NAV3: variants seen among roughly 807,000 people sequenced by gnomAD.
NAV3 encodes neuron navigator 3.
Under a neutral mutation model 244.7 loss-of-function variants are expected in NAV3, and 87 were observed. The ratio of observed to expected loss-of-function variants is 0.36; its 90% CI spans 0.30 to 0.42. NAV3 has a LOEUF of 0.42. Among genes scored for constraint, NAV3 ranks in the 20% least tolerant of loss-of-function variants. The probability of loss-of-function intolerance (pLI) is 1.00; values close to 1 mark genes in which losing one functional copy is unlikely to be tolerated. For synonymous variants in NAV3, 1,126 were observed against 1,042.2 expected, an observed-to-expected ratio of 1.08 and a Z score of -1.55; for missense variants, 2,663 against 2,893.3, an observed-to-expected ratio of 0.92 and a Z score of 1.83.
At chr12:77,751,760 G>A (rs144465910) in intron 2 of NAV3, among the ~76,000 whole-genome samples, 71 of 152,240 alleles carry the variant, frequency 4.7e-4, no homozygotes, top group African/African-American at 1.7e-3. Flanking sequence ...ATCAATGTGA[G>A]CATATACATT....
In NAV3 at chr12:77,645,536, T is replaced by TAAAAAAAAAAAAAAA. The variant is rs756805711; in HGVS notation, c.72+73280_72+73294dup. Among the ~76,000 whole-genome samples, 85 of 63,008 alleles carry TAAAAAAAAAAAAAAA rather than the reference T, an allele frequency of 1.3e-3. 8 individuals carry two copies. Among genetic ancestry groups the TAAAAAAAAAAAAAAA allele is most frequent in the African/African-American group, 6.1e-3 (84 of 13,766 alleles). The allele number at this position is 63,008 out of a possible 152,430, so 41.3% of individuals were successfully genotyped here. ...GAATTCATGGAGAGCTCTCTCTCTC[T>TAAAAAAAAAAAAAAA]AAAAAAAAAAAAAAAAAAAAAAAAC... On this transcript the variant is annotated intron_variant, in intron 2 of 8. Coordinates refer to the NAV3 transcript ENST00000550042.
intron 1 of NAV3, among the ~76,000 whole-genome samples, chr12:77,862,151 T>C (rs1400151682): frequency 6.6e-6 from 1 of 151,772 alleles, no homozygotes; most frequent in African/African-American, 2.4e-5. Flanking sequence ...AAAATGAATT[T>C]TTTTTTTTTG....
intron 2 of NAV3, among the ~76,000 whole-genome samples, chr12:77,654,488 A>C (rs1872986149): frequency 6.6e-6 from 1 of 152,192 alleles, no homozygotes; most frequent in South Asian, 2.1e-4. Context: ...CAGCTCATGG[A>C]GGCCTGCCTG....
chr12:77,977,741 C>CAG (rs71441906), intron 5 of NAV3, among the ~76,000 whole-genome samples: 1 of 150,502 alleles, frequency 6.6e-6, no homozygotes, highest in Non-Finnish European at 1.5e-5. Context: ...CACACACACA[C>CAG]TCTCTTCAGA....
intron 9 of NAV3, among the ~76,000 whole-genome samples, chr12:78,029,163 C>T (rs1878560817): frequency 7.0e-6 from 1 of 142,636 alleles, no homozygotes; most frequent in Admixed American, 7.3e-5. Context: ...ACAATGGTGT[C>T]TGACCCTACC....
At chr12:78,082,961 C>T (rs1953436038) in intron 12 of NAV3, among the ~76,000 whole-genome samples, 1 of 152,288 alleles carries the variant, frequency 6.6e-6, no homozygotes, top group East Asian at 1.9e-4. Flanking sequence ...ATCACCTCTC[C>T]TCTGAAAGAA....
At chr12:77,920,124 A>G (rs1887564390) in intron 1 of NAV3, among the ~76,000 whole-genome samples, 1 of 152,034 alleles carries the variant, frequency 6.6e-6, no homozygotes, top group Non-Finnish European at 1.5e-5. Context: ...ACTGTGTGAC[A>G]TTTAGCAAAT....
chr12:78,094,517 GAAGATGCT>G (rs756434443), intron 12 of NAV3, among the ~76,000 whole-genome samples: 4 of 152,180 alleles, frequency 2.6e-5, no homozygotes, highest in Non-Finnish European at 5.9e-5. Context: ...TGTAAACTTT[GAAGATGCT>G]AAGACTGTCA....
intron 12 of NAV3, among the ~76,000 whole-genome samples, chr12:78,094,321 A>C (rs574255205): frequency 6.6e-6 from 1 of 152,306 alleles, no homozygotes; most frequent in African/African-American, 2.4e-5. Context: ...ACACCTAGAA[A>C]ATATTTATTT....
intron 2 of NAV3, among the ~76,000 whole-genome samples, chr12:77,586,822 C>T (rs1020616547): frequency 6.6e-6 from 1 of 152,096 alleles, no homozygotes; most frequent in African/African-American, 2.4e-5. Context: ...TTGGACAGCA[C>T]ACATATAGAA....
chr12:78,199,188 A>G (rs1054966474), intron 36 of NAV3, 147 bp from the exon 37 acceptor site: 23 of 739,930 alleles, frequency 3.1e-5, no homozygotes, highest in Non-Finnish European at 4.2e-5. Flanking sequence ...ACCTTTGATC[A>G]TGAAAAGGTG....
At chr12:77,889,944 C>G (rs1883738718) in intron 1 of NAV3, among the ~76,000 whole-genome samples, 1 of 152,072 alleles carries the variant, frequency 6.6e-6, no homozygotes, top group African/African-American at 2.4e-5. Flanking sequence ...TCATTCTTGG[C>G]CTATAGCTAT....
At chr12:77,572,758 A>G (rs1356094961) in intron 2 of NAV3, among the ~76,000 whole-genome samples, 3 of 152,238 alleles carry the variant, frequency 2.0e-5, no homozygotes. Context: ...TTGTGAGACA[A>G]CTGCGAGCTT....
At chr12:77,795,774 C>A (rs1334888040) in intron 2 of NAV3, among the ~76,000 whole-genome samples, 1 of 152,170 alleles carries the variant, frequency 6.6e-6, no homozygotes, top group Non-Finnish European at 1.5e-5. Context: ...AAGATCCTAA[C>A]TCCCTTAAGA....
chr12:78,030,526 CCTTT>C (rs1878801798), intron 9 of NAV3, among the ~76,000 whole-genome samples: 1 of 152,108 alleles, frequency 6.6e-6, no homozygotes, highest in African/African-American at 2.4e-5. Flanking sequence ...TCCCTGGTTC[CCTTT>C]TCTGTGTGGT....
intron 14 of NAV3, among the ~76,000 whole-genome samples, chr12:78,118,533 T>C (rs1955524866): frequency 6.6e-6 from 1 of 152,224 alleles, no homozygotes; most frequent in African/African-American, 2.4e-5. Context: ...CTAGGGGTAC[T>C]GGATGCCTTA....
chr12:77,943,034 A>G (rs537867571), intron 3 of NAV3, among the ~76,000 whole-genome samples: 1 of 152,336 alleles, frequency 6.6e-6, no homozygotes, highest in Non-Finnish European at 1.5e-5. Flanking sequence ...CTGGGATTAC[A>G]GAGAATTCAA....
chr12:77,993,954 A>G (rs927993186), intron 5 of NAV3, among the ~76,000 whole-genome samples: 1 of 152,204 alleles, frequency 6.6e-6, no homozygotes, highest in Admixed American at 6.5e-5. Context: ...AGGTCTAACT[A>G]TATCTTTCAG....
chr12:77,772,394 A>G (rs1203810468), intron 2 of NAV3, among the ~76,000 whole-genome samples: 3 of 152,200 alleles, frequency 2.0e-5, no homozygotes, highest in Non-Finnish European at 2.9e-5. Context: ...ATCAAATTAA[A>G]TATTTTATTA....
Sources: allele counts gnomAD v4.1 joint callset (sites outside exome capture counted in the v4.1 genomes callset), GRCh38; gene constraint gnomAD v4.1.1; transcripts MANE v1.5; gene names NCBI Gene and HGNC (gene_info 2026-07-23, HGNC 2026-07-21).